DNAH14: variants seen among roughly 807,000 people sequenced by gnomAD.
The protein encoded by DNAH14 is dynein axonemal heavy chain 14, also known as axonemal beta dynein heavy chain 14.
In DNAH14, 478 loss-of-function variants were observed where a neutral mutation model predicts 520.9. The observed-to-expected ratio is 0.92, with a 90% CI of 0.85 to 0.99. The LOEUF (loss-of-function observed/expected upper bound fraction) is 0.99, where lower values mean the gene tolerates loss of function less well. Ranked by LOEUF, DNAH14 falls within the 50% of genes least tolerant of loss-of-function variation. The probability of loss-of-function intolerance (pLI) is 0.00; values close to 1 mark genes in which losing one functional copy is unlikely to be tolerated. For missense variants in DNAH14, 4,831 were observed against 5,234.5 expected, an observed-to-expected ratio of 0.92 and a Z score of 2.38; for synonymous variants, 1,581 against 1,757.2, an observed-to-expected ratio of 0.90 and a Z score of 2.51.
intron 59 of DNAH14, among the ~76,000 whole-genome samples, chr1:225,307,901 C>A (rs993015315): frequency 1.3e-5 from 2 of 152,214 alleles, no homozygotes; most frequent in Non-Finnish European, 2.9e-5. Flanking sequence ...TGGTAACTTG[C>A]AGTCTATCAA....
intron 54 of DNAH14, among the ~76,000 whole-genome samples, chr1:225,287,415 T>C (rs776567009): frequency 1.1e-4 from 16 of 152,062 alleles, no homozygotes; most frequent in Non-Finnish European, 2.1e-4. Context: ...AATAATGAAG[T>C]AAATGGATGG....
At chr1:225,393,344 G>A (rs1455701386) in intron 84 of DNAH14, among the ~76,000 whole-genome samples, 12 of 152,128 alleles carry the variant, frequency 7.9e-5, no homozygotes, top group South Asian at 2.1e-4. Flanking sequence ...AAACCTACAC[G>A]GCATAGCCTA....
At chr1:225,254,536 G>A (rs1016013039) in intron 44 of DNAH14, among the ~76,000 whole-genome samples, 2 of 152,126 alleles carry the variant, frequency 1.3e-5, no homozygotes, top group Non-Finnish European at 2.9e-5. Context: ...AGATCAAAAC[G>A]TTGGTGTGAA....
intron 81 of DNAH14, among the ~76,000 whole-genome samples, chr1:225,387,578 T>C (rs946871849): frequency 3.3e-5 from 5 of 151,810 alleles, no homozygotes; most frequent in Admixed American, 3.3e-4. Flanking sequence ...GAGGTGCCAA[T>C]GAATGAGACC....
At chr1:225,094,512 C>T (rs1426687766) in intron 21 of DNAH14, among the ~76,000 whole-genome samples, 1 of 151,646 alleles carries the variant, frequency 6.6e-6, no homozygotes, top group East Asian at 1.9e-4. Context: ...AAAACCTAAA[C>T]CTGTAAAAAC....
chr1:225,106,800 T>G (rs562913504), intron 23 of DNAH14, among the ~76,000 whole-genome samples: 63 of 152,286 alleles, frequency 4.1e-4, no homozygotes, highest in African/African-American at 1.4e-3. Context: ...TTTCAAGGTT[T>G]TTAACTTCTT....
chr1:225,262,640 G>C (rs1209578078), intron 46 of DNAH14, among the ~76,000 whole-genome samples: 2 of 151,996 alleles, frequency 1.3e-5, no homozygotes, highest in African/African-American at 4.8e-5. Context: ...ATTTGTCGAA[G>C]ATCAGTTGGT....
chr1:225,268,280 C>T (rs909116073), intron 49 of DNAH14, among the ~76,000 whole-genome samples: 2 of 152,098 alleles, frequency 1.3e-5, no homozygotes, highest in Admixed American at 6.5e-5. Context: ...ATTCAACAAC[C>T]CTTCATGCTA....
At chr1:225,367,350 C>T (rs775037371) in intron 76 of DNAH14, among the ~76,000 whole-genome samples, 1 of 152,138 alleles carries the variant, frequency 6.6e-6, no homozygotes, top group Non-Finnish European at 1.5e-5. Context: ...TCTGATGGTT[C>T]AGTTAGTGCT....
At position 225,168,443 on chromosome 1, in the gene DNAH14, C is replaced by T. The variant is rs896375424; in HGVS notation, c.5535+415C>T. ...AGACGGCACCTGGAAAATCAGGTCA[C>T]TCCCACCCTAATACTGCACTTTTCC... On this transcript the variant is annotated intron_variant, in intron 36 of 85. Transcript: ENST00000682510. 3.3e-5 allele frequency among the ~76,000 whole-genome samples: 5 copies of T among 152,332 alleles called. No homozygotes were observed. The South Asian group carries it at 8.3e-4, about 25-fold the overall frequency.
At chr1:225,025,208 C>T (rs1476406662) in intron 11 of DNAH14, among the ~76,000 whole-genome samples, 2 of 151,958 alleles carry the variant, frequency 1.3e-5, no homozygotes, top group East Asian at 3.9e-4. Flanking sequence ...CACGATGGCA[C>T]TGGCACACAC....
chr1:225,349,047 C>A (rs561051834), intron 71 of DNAH14, among the ~76,000 whole-genome samples: 1 of 152,214 alleles, frequency 6.6e-6, no homozygotes, highest in East Asian at 1.9e-4. Flanking sequence ...TCATAGCTCA[C>A]TGTAGCCTCC....
chr1:225,335,122 T>C (rs977369288), intron 66 of DNAH14, among the ~76,000 whole-genome samples: 1 of 146,156 alleles, frequency 6.8e-6, no homozygotes, highest in African/African-American at 2.6e-5. Flanking sequence ...TATATACATG[T>C]GTACATATGT....
chr1:225,066,643 A>AC (rs2070915514), intron 17 of DNAH14, among the ~76,000 whole-genome samples: 1 of 150,886 alleles, frequency 6.6e-6, no homozygotes, highest in African/African-American at 2.4e-5. Flanking sequence ...TTTATCTCAC[A>AC]CCCCCCTCCC....
intron 34 of DNAH14, among the ~76,000 whole-genome samples, chr1:225,156,073 A>G (rs959376360): frequency 6.6e-6 from 1 of 151,862 alleles, no homozygotes; most frequent in African/African-American, 2.4e-5. Flanking sequence ...TATTCTTCCT[A>G]AGGCCTCTGA....
intron 41 of DNAH14, among the ~76,000 whole-genome samples, chr1:225,224,351 C>A (rs1307458796): frequency 6.6e-6 from 1 of 151,552 alleles, no homozygotes; most frequent in Non-Finnish European, 1.5e-5. Context: ...CATTCCCCAC[C>A]AGGATTAGTA....
At chr1:225,274,163 T>TTCCTTTTTC in intron 52 of DNAH14, among the ~76,000 whole-genome samples, 1 of 151,976 alleles carries the variant, frequency 6.6e-6, no homozygotes, top group East Asian at 1.9e-4. Flanking sequence ...TGTGTAAGTG[T>TTCCTTTTTC]TCCTTTTTCT....
chr1:225,120,195 T>C (rs2077178812), intron 26 of DNAH14, among the ~76,000 whole-genome samples: 1 of 152,072 alleles, frequency 6.6e-6, no homozygotes, highest in African/African-American at 2.4e-5. Flanking sequence ...ATTGGTCAGG[T>C]TGGAGATGGA....
chr1:225,091,533 G>A (rs1361344802), intron 21 of DNAH14, among the ~76,000 whole-genome samples: 3 of 152,160 alleles, frequency 2.0e-5, no homozygotes, highest in Non-Finnish European at 4.4e-5. Context: ...AGCAAATGCT[G>A]AGGGAATTTG....
Sources: allele counts gnomAD v4.1 joint callset (sites outside exome capture counted in the v4.1 genomes callset), GRCh38; gene constraint gnomAD v4.1.1; transcripts MANE v1.5; gene names NCBI Gene and HGNC (gene_info 2026-07-23, HGNC 2026-07-21).